The following CCSER1 variants were observed in gnomAD, a reference collection of about 807,000 sequenced individuals.
CCSER1 encodes the protein serine-rich coiled-coil domain-containing protein 1.
In CCSER1, 41 loss-of-function variants were observed where a neutral mutation model predicts 82.0. The observed-to-expected ratio is 0.50, with a 90% confidence interval of 0.39 to 0.65. The LOEUF is 0.65. CCSER1 is among the 30% of genes least tolerant of loss of function. The pLI is 0.00. For synonymous variants in CCSER1, 414 were observed against 383.9 expected, an observed-to-expected ratio of 1.08 and a Z score of -0.92; for missense variants, 1,119 against 1,064.2, an observed-to-expected ratio of 1.05 and a Z score of -0.72.
At chr4:90,545,687 T>A (rs980557608) in intron 5 of CCSER1, among the ~76,000 whole-genome samples, 1 of 152,136 alleles carries the variant, frequency 6.6e-6, no homozygotes, top group Non-Finnish European at 1.5e-5. Flanking sequence ...GGAAAAGCGA[T>A]GCTTCTTTTT....
chr4:90,369,239 A>G (rs1746900846), intron 3 of CCSER1, among the ~76,000 whole-genome samples: 1 of 145,006 alleles, frequency 6.9e-6, no homozygotes, highest in African/African-American at 2.6e-5. Flanking sequence ...GGAAAAGGAG[A>G]AGGACAAAGA....
chr4:90,747,339 T>A (rs1285433861), intron 7 of CCSER1, among the ~76,000 whole-genome samples: 1 of 152,194 alleles, frequency 6.6e-6, no homozygotes, highest in East Asian at 1.9e-4. Context: ...GAAAGGATTT[T>A]ATTATAGAAT....
intron 10 of CCSER1, among the ~76,000 whole-genome samples, chr4:91,141,268 C>T (rs970096661): frequency 2.0e-5 from 3 of 151,984 alleles, no homozygotes; most frequent in African/African-American, 7.3e-5. Flanking sequence ...ATTCTCCTGC[C>T]TCAGCCTCCT....
intron 10 of CCSER1, among the ~76,000 whole-genome samples, chr4:91,152,045 CGTT>C (rs1328903807): frequency 2.8e-4 from 42 of 151,570 alleles, no homozygotes; most frequent in Admixed American, 2.8e-3. Flanking sequence ...CCTTCTGTCT[CGTT>C]GATCTGTCTC....
chr4:90,148,523 GGTCGTAGA>G lies in CCSER1; in HGVS notation c.-42+20695_-42+20702del, dbSNP rs1388465213. ...ACAAGGTTGATATAGATGTGATCCT[GGTCGTAGA>G]GTAAAGGGCTTCTTGGTTAGAGAGA... On this transcript the variant is annotated intron_variant, in intron 1 of 10. Coordinates refer to ENST00000509176, the MANE Select transcript of CCSER1 (RefSeq NM_001145065.2). 3.9e-5 allele frequency among the ~76,000 whole-genome samples: 6 copies of G among 152,112 alleles called. No homozygotes were observed. The East Asian group carries it at 9.6e-4, about 24-fold the overall frequency.
chr4:91,092,542 G>A (rs1025022539), intron 10 of CCSER1, among the ~76,000 whole-genome samples: 3 of 152,242 alleles, frequency 2.0e-5, no homozygotes, highest in African/African-American at 7.2e-5. Context: ...GTAACACATT[G>A]CTGTGCTGCT....
At chr4:91,325,262 C>T (rs1746477115) in intron 10 of CCSER1, 1 of 415,684 alleles carries the variant, frequency 2.4e-6, no homozygotes, top group Non-Finnish European at 4.7e-6. Flanking sequence ...GGGTCCTAGG[C>T]AGGAAGAAGA....
rs567953046 is a variant in CCSER1 at position 90,158,287 on chromosome 4, TG to T, written c.-42+30462del. Reference sequence around the variant, plus strand: ...GTGTGAGGTGTCAGTCTACCCCTACTGGGGGGTGCCTCCCAGTTAGGCTGCT... The same window carrying T: ...GTGTGAGGTGTCAGTCTACCCCTACTGGGGGTGCCTCCCAGTTAGGCTGCT... On this transcript the variant is annotated intron_variant, in intron 1 of 10. Coordinates refer to ENST00000509176, the MANE Select transcript of CCSER1 (RefSeq NM_001145065.2). 1.8e-3 allele frequency among the ~76,000 whole-genome samples: 270 copies of T among 152,230 alleles called. 4 individuals are homozygous for T. Among genetic ancestry groups the T allele is most frequent in the African/African-American group, 5.8e-3 (239 of 41,536 alleles).
At chr4:90,242,581 A>C (rs1467202350) in intron 1 of CCSER1, among the ~76,000 whole-genome samples, 1 of 152,256 alleles carries the variant, frequency 6.6e-6, no homozygotes, top group South Asian at 2.1e-4. Context: ...TGAACAATGT[A>C]GTAAGCTATC....
chr4:90,468,882 T>C (rs997003942), intron 5 of CCSER1, among the ~76,000 whole-genome samples: 4 of 152,156 alleles, frequency 2.6e-5, no homozygotes, highest in Non-Finnish European at 4.4e-5. Context: ...TTCTATTATA[T>C]AAATGATAAA....
At chr4:91,141,153 C>CTT (rs113600364) in intron 10 of CCSER1, among the ~76,000 whole-genome samples, 3 of 144,344 alleles carry the variant, frequency 2.1e-5, no homozygotes, top group Non-Finnish European at 1.5e-5. Flanking sequence ...TGATTTCATT[C>CTT]TTTTTTTTTT....
chr4:90,824,224 T>C (rs1056470910), intron 8 of CCSER1, among the ~76,000 whole-genome samples: 6 of 152,096 alleles, frequency 3.9e-5, no homozygotes, highest in Admixed American at 2.0e-4. Context: ...TATTCTTACT[T>C]GAGTGTAAGT....
chr4:90,158,693 A>G (rs1300992012), intron 1 of CCSER1, among the ~76,000 whole-genome samples: 7 of 152,198 alleles, frequency 4.6e-5, no homozygotes, highest in African/African-American at 1.4e-4. Context: ...GGTGCGGGAT[A>G]TAATCTACTG....
At chr4:91,231,334 A>G (rs2149115940) in intron 10 of CCSER1, among the ~76,000 whole-genome samples, 1 of 151,964 alleles carries the variant, frequency 6.6e-6, no homozygotes, top group South Asian at 2.1e-4. Context: ...ATTTTGTGGG[A>G]AAATTAAAAG....
intron 10 of CCSER1, among the ~76,000 whole-genome samples, chr4:91,277,946 A>G (rs896712082): frequency 1.3e-5 from 2 of 152,026 alleles, no homozygotes; most frequent in African/African-American, 4.8e-5. Context: ...CCCAATGGTT[A>G]TTCAGGAGCA....
chr4:90,922,071 C>T (rs2150246068), intron 8 of CCSER1, among the ~76,000 whole-genome samples: 1 of 152,142 alleles, frequency 6.6e-6, no homozygotes, highest in East Asian at 1.9e-4. Context: ...ATGATCTAAT[C>T]TGCATCTAAT....
intron 10 of CCSER1, among the ~76,000 whole-genome samples, chr4:91,151,743 T>A (rs566368164): frequency 1.3e-5 from 2 of 152,216 alleles, no homozygotes; most frequent in Non-Finnish European, 2.9e-5. Context: ...CCAGTAGTCA[T>A]TCAAGAGCAG....
rs188763510 is a variant in CCSER1 at position 90,344,152 on chromosome 4, G to A, written c.1509+31105G>A. Among the ~76,000 whole-genome samples, 1,199 of 152,172 alleles carry A rather than the reference G, an allele frequency of 7.9e-3. 8 individuals carry two copies. Among genetic ancestry groups the A allele is most frequent in the African/African-American group, 0.013 (552 of 41,508 alleles). On this transcript the variant is annotated intron_variant, in intron 3 of 10. Coordinates refer to ENST00000509176, the MANE Select transcript of CCSER1 (RefSeq NM_001145065.2). Reference sequence around the variant, plus strand: ...GAGAACATATGATGTTTGTCTTTCTGTGCCTGGCTTATTTCACTTAACATA... The same window carrying A: ...GAGAACATATGATGTTTGTCTTTCTATGCCTGGCTTATTTCACTTAACATA...
intron 10 of CCSER1, among the ~76,000 whole-genome samples, chr4:91,102,262 A>G (rs1026861500): frequency 8.0e-5 from 12 of 150,564 alleles, no homozygotes; most frequent in Admixed American, 7.3e-4. Context: ...AAATGGGAAA[A>G]TTAAGGGAAG....
Sources: allele counts gnomAD v4.1 joint callset (sites outside exome capture counted in the v4.1 genomes callset), GRCh38; gene constraint gnomAD v4.1.1; transcripts MANE v1.5; gene names NCBI Gene and HGNC (gene_info 2026-07-23, HGNC 2026-07-21).